MPPED2: variants seen among roughly 807,000 people sequenced by gnomAD.
MPPED2 encodes metallophosphoesterase MPPED2.
MPPED2 carries 5 observed loss-of-function variants against 33.0 expected under a neutral mutation model. The observed-to-expected ratio is 0.15, with a 90% CI of 0.08 to 0.32. The LOEUF (loss-of-function observed/expected upper bound fraction) is 0.32. Among genes scored for constraint, MPPED2 ranks in the 10% least tolerant of loss-of-function variants. The pLI is 1.00. For synonymous variants in MPPED2, 136 were observed against 141.9 expected (o/e 0.96, Z 0.29); for missense variants, 275 against 372.1 (o/e 0.74, Z 2.15).
intron 4 of MPPED2, among the ~76,000 whole-genome samples, chr11:30,424,562 C>T (rs1229792227): frequency 6.6e-6 from 1 of 152,128 alleles, no homozygotes; most frequent in Non-Finnish European, 1.5e-5. Context: ...ACAGCTCAGC[C>T]CTCCCTTGAC....
chr11:30,427,742 G>A (rs1178272452), intron 4 of MPPED2, among the ~76,000 whole-genome samples: 1 of 152,218 alleles, frequency 6.6e-6, no homozygotes. Context: ...GAAACAGACG[G>A]ACATGCCTAA....
At chr11:30,540,522 A>ATT (rs938684723) in intron 2 of MPPED2, among the ~76,000 whole-genome samples, 2 of 149,714 alleles carry the variant, frequency 1.3e-5, no homozygotes, top group Non-Finnish European at 3.0e-5. Context: ...AAATGTTAGT[A>ATT]TTTTTTTTTT....
intron 2 of MPPED2, among the ~76,000 whole-genome samples, chr11:30,577,505 G>C (rs991589758): frequency 2.6e-5 from 4 of 152,148 alleles, no homozygotes; most frequent in Non-Finnish European, 4.4e-5. Context: ...GCAAAGTTCT[G>C]CCATGACATG....
chr11:30,412,971 C>T (rs1486754077), intron 6 of MPPED2, among the ~76,000 whole-genome samples: 2 of 152,188 alleles, frequency 1.3e-5, no homozygotes, highest in Admixed American at 1.3e-4. Flanking sequence ...AGTCTCCCCT[C>T]CAGGCATTCC....
chr11:30,394,531 G>A (rs1394457486), intron 6 of MPPED2, among the ~76,000 whole-genome samples: 2 of 152,004 alleles, frequency 1.3e-5, no homozygotes, highest in Non-Finnish European at 1.5e-5. Flanking sequence ...TAATAAGGTC[G>A]GAAATCTTTT....
chr11:30,500,027 C>T (rs1284632784), intron 3 of MPPED2, among the ~76,000 whole-genome samples: 1 of 152,168 alleles, frequency 6.6e-6, no homozygotes, highest in East Asian at 1.9e-4. Context: ...AGCCCACTTA[C>T]CACATTTGTT....
intron 4 of MPPED2, among the ~76,000 whole-genome samples, chr11:30,487,370 G>A (rs1413708763): frequency 6.6e-6 from 1 of 152,188 alleles, no homozygotes; most frequent in Non-Finnish European, 1.5e-5. Flanking sequence ...GTTCTTCAGA[G>A]GGAAAAAGCC....
chr11:30,501,205 CA>C (rs1952544079), intron 3 of MPPED2, among the ~76,000 whole-genome samples: 1 of 152,196 alleles, frequency 6.6e-6, no homozygotes, highest in South Asian at 2.1e-4. Flanking sequence ...TCCCAATCGC[CA>C]TCAATAAATC....
intron 4 of MPPED2, among the ~76,000 whole-genome samples, chr11:30,466,727 T>G (rs1950721700): frequency 6.6e-6 from 1 of 152,248 alleles, no homozygotes; most frequent in Non-Finnish European, 1.5e-5. Flanking sequence ...CCAGTTTGAA[T>G]GCTTTTGCAA....
intron 4 of MPPED2, among the ~76,000 whole-genome samples, chr11:30,484,061 A>G (rs373345343): frequency 6.6e-6 from 1 of 152,230 alleles, no homozygotes; most frequent in East Asian, 1.9e-4. Flanking sequence ...CTTTACAAAT[A>G]TAGCATTGGT....
chr11:30,494,814 G>A (rs1363033363), intron 4 of MPPED2, among the ~76,000 whole-genome samples: 3 of 150,320 alleles, frequency 2.0e-5, no homozygotes, highest in Admixed American at 2.0e-4. Flanking sequence ...TTGGAAAAAG[G>A]ATTGCCTCTA....
At chr11:30,468,145 C>T (rs376518040) in intron 4 of MPPED2, among the ~76,000 whole-genome samples, 1 of 152,052 alleles carries the variant, frequency 6.6e-6, no homozygotes, top group African/African-American at 2.4e-5. Flanking sequence ...TATTTCTCTA[C>T]ATATGGTATC....
intron 4 of MPPED2, among the ~76,000 whole-genome samples, chr11:30,439,713 C>T (rs867578979): frequency 3.3e-5 from 5 of 152,260 alleles, no homozygotes; most frequent in Middle Eastern, 3.4e-3. Context: ...CCCAAGTAAA[C>T]GAGAACTTCC....
chr11:30,558,148 G>A (rs886541298), intron 2 of MPPED2, among the ~76,000 whole-genome samples: 2 of 152,052 alleles, frequency 1.3e-5, no homozygotes, highest in East Asian at 1.9e-4. Flanking sequence ...ACACACACAC[G>A]TATATATTTT....
At chr11:30,458,914 CTTTTTTTT>C (rs71060450) in intron 4 of MPPED2, among the ~76,000 whole-genome samples, 25 of 64,542 alleles carry the variant, frequency 3.9e-4, no homozygotes, top group South Asian at 1.8e-3. Flanking sequence ...TTGCACAGTT[CTTTTTTTT>C]TTTTTTTTTT....
chr11:30,476,562 T>TTC (rs1951208947), intron 4 of MPPED2, among the ~76,000 whole-genome samples: 1 of 152,008 alleles, frequency 6.6e-6, no homozygotes, highest in South Asian at 2.1e-4. Context: ...GCTGTATATA[T>TTC]ATGGGTCTGT....
intron 4 of MPPED2, among the ~76,000 whole-genome samples, chr11:30,466,084 T>C (rs1224345630): frequency 6.6e-6 from 1 of 152,240 alleles, no homozygotes; most frequent in Non-Finnish European, 1.5e-5. Context: ...TGCTAGAATG[T>C]AACTCCATGA....
chr11:30,399,474 T>C (rs1215401110), intron 6 of MPPED2, among the ~76,000 whole-genome samples: 1 of 152,236 alleles, frequency 6.6e-6, no homozygotes, highest in African/African-American at 2.4e-5. Flanking sequence ...TTATCAATAC[T>C]CTGTCCTCTG....
intron 5 of MPPED2, among the ~76,000 whole-genome samples, chr11:30,415,505 CA>C (rs921575295): frequency 3.3e-5 from 5 of 152,314 alleles, no homozygotes; most frequent in African/African-American, 1.2e-4. Flanking sequence ...CCCTCACCAG[CA>C]GGAAGAAATT....
Sources: allele counts gnomAD v4.1 joint callset (sites outside exome capture counted in the v4.1 genomes callset), GRCh38; gene constraint gnomAD v4.1.1; transcripts MANE v1.5; gene names NCBI Gene and HGNC (gene_info 2026-07-23, HGNC 2026-07-21).